The following STPG2 variants were observed in gnomAD, a reference collection of about 807,000 sequenced individuals.
STPG2 encodes sperm-tail PG-rich repeat-containing protein 2.
Under a neutral mutation model 54.2 loss-of-function variants are expected in STPG2, and 56 were observed. The observed-to-expected ratio is 1.03, with a 90% CI of 0.83 to 1.29. STPG2 has a LOEUF of 1.29. Ranked by LOEUF, STPG2 falls within the 50% of genes most tolerant of loss-of-function variation. STPG2 has a pLI of 0.00. For synonymous variants in STPG2, 200 were observed against 181.8 expected (o/e 1.10, Z -0.81); for missense variants, 596 against 544.9 (o/e 1.09, Z -0.93).
At chr4:97,978,553 A>G (rs1734569807) in intron 6 of STPG2, among the ~76,000 whole-genome samples, 1 of 152,126 alleles carries the variant, frequency 6.6e-6, no homozygotes, top group African/African-American at 2.4e-5. Flanking sequence ...AAAATAACTA[A>G]TGGGTACTAG....
At chr4:97,616,092 A>ATATATATATATATATATATATATATG (rs764342142) in intron 10 of STPG2, among the ~76,000 whole-genome samples, 3 of 63,282 alleles carry the variant, frequency 4.7e-5, no homozygotes, top group Non-Finnish European at 1.1e-4. Context: ...ATATATATAT[A>ATATATATATATATATATATATATATG]TATGTATGTA....
At chr4:98,066,589 T>TA (rs35983475) in intron 5 of STPG2, among the ~76,000 whole-genome samples, 11 of 151,002 alleles carry the variant, frequency 7.3e-5, no homozygotes, top group African/African-American at 1.5e-4. Flanking sequence ...ACTCCATCTT[T>TA]AAAAAAAAAT....
intron 5 of STPG2, among the ~76,000 whole-genome samples, chr4:98,002,786 C>T (rs1026681794): frequency 1.3e-5 from 2 of 151,914 alleles, no homozygotes; most frequent in African/African-American, 4.8e-5. Flanking sequence ...TTAATAACAG[C>T]GTTTTTTAAA....
At chr4:97,448,106 G>GC (rs1305519392) in intron 4 of STPG2, among the ~76,000 whole-genome samples, 1 of 152,170 alleles carries the variant, frequency 6.6e-6, no homozygotes, top group African/African-American at 2.4e-5. Flanking sequence ...GGGGCTTATA[G>GC]CCCCTTGGTT....
At chr4:97,488,620 A>T (rs182180967) in intron 4 of STPG2, among the ~76,000 whole-genome samples, 1 of 151,742 alleles carries the variant, frequency 6.6e-6, no homozygotes, top group East Asian at 1.9e-4. Context: ...GCAGTCTTTC[A>T]GAAACCCAGA....
chr4:97,533,452 A>C (rs889873596), intron 4 of STPG2, among the ~76,000 whole-genome samples: 1 of 152,084 alleles, frequency 6.6e-6, no homozygotes, highest in Non-Finnish European at 1.5e-5. Context: ...GTTTATATAT[A>C]ATAAAATACA....
chr4:97,962,808 C>T (rs749307975), intron 7 of STPG2, among the ~76,000 whole-genome samples: 2 of 152,108 alleles, frequency 1.3e-5, no homozygotes, highest in Non-Finnish European at 2.9e-5. Context: ...ACTCTGAGTC[C>T]AGAGATCATG....
chr4:97,459,641 C>G (rs1396399475), intron 4 of STPG2, among the ~76,000 whole-genome samples: 1 of 151,964 alleles, frequency 6.6e-6, no homozygotes, highest in African/African-American at 2.4e-5. Flanking sequence ...CAGGGTTTCA[C>G]CATGTTAGCC....
chr4:97,728,925 G>C (rs1724706136), intron 9 of STPG2, among the ~76,000 whole-genome samples: 2 of 151,902 alleles, frequency 1.3e-5, no homozygotes, highest in East Asian at 1.9e-4. Context: ...GAGAGAAAGA[G>C]AGAGAGAGAA....
At chr4:97,917,740 A>G (rs1265608427) in intron 8 of STPG2, among the ~76,000 whole-genome samples, 3 of 152,162 alleles carry the variant, frequency 2.0e-5, no homozygotes, top group African/African-American at 7.2e-5. Context: ...AGCACACTAA[A>G]ATAGGTGCAG....
At chr4:98,068,822 G>A (rs1737912876) in intron 5 of STPG2, among the ~76,000 whole-genome samples, 1 of 151,984 alleles carries the variant, frequency 6.6e-6, no homozygotes, top group Admixed American at 6.6e-5. Flanking sequence ...ATTGCTCCTA[G>A]GCTATAATCC....
intron 4 of STPG2, among the ~76,000 whole-genome samples, chr4:97,492,469 C>T (rs1730522662): frequency 1.3e-5 from 2 of 151,428 alleles, no homozygotes; most frequent in South Asian, 2.1e-4. Flanking sequence ...TGAAAACATG[C>T]AAGTTTAATT....
chr4:97,943,902 C>G lies in STPG2; in HGVS notation c.1039G>C (p.Asp347His). 6.4e-7 allele frequency: 1 copy of G among 1,561,642 alleles called. No individual in the cohort carries two copies. Among genetic ancestry groups the G allele is most frequent in the South Asian group, 1.2e-5 (1 of 83,168 alleles). ...GATTGTAGGAGTATTCTTACCATAT[C>G]TGGTACTTTCATAGTTCTTTTGGCT... is the stretch of plus-strand genomic sequence containing the variant. ...SRAKRTMKVPDMVIPAPGSYD... is the reference protein window; with the variant it reads ...SRAKRTMKVPHMVIPAPGSYD... Residue 347 changes from aspartate (D) to histidine (H), a missense_variant, in exon 8 of 11, where the codon GAT becomes CAT. By Grantham distance (81) the Asp-to-His change is moderately conservative (BLOSUM62 -1). Transcript: ENST00000295268.
intron 7 of STPG2, among the ~76,000 whole-genome samples, chr4:97,949,916 A>T (rs1276414821): frequency 6.6e-6 from 1 of 152,072 alleles, no homozygotes; most frequent in East Asian, 1.9e-4. Context: ...TGAATCTCAC[A>T]TGAGTTCTTT....
intron 9 of STPG2, among the ~76,000 whole-genome samples, chr4:97,720,855 C>A (rs980664883): frequency 2.6e-5 from 4 of 151,876 alleles, no homozygotes; most frequent in Non-Finnish European, 4.4e-5. Context: ...TTATAAACAA[C>A]AATAAAACAA....
intron 4 of STPG2, among the ~76,000 whole-genome samples, chr4:97,447,977 G>C (rs1490164782): frequency 6.6e-6 from 1 of 152,094 alleles, no homozygotes; most frequent in African/African-American, 2.4e-5. Flanking sequence ...ACTGCCCAAG[G>C]CTGTGGGAGC....
intron 9 of STPG2, among the ~76,000 whole-genome samples, chr4:97,714,501 A>C (rs967044264): frequency 5.9e-5 from 9 of 152,136 alleles, no homozygotes; most frequent in African/African-American, 1.9e-4. Flanking sequence ...ATTAAGATAT[A>C]GCTATCTAAA....
At chr4:97,970,157 G>T (rs1734272151) in intron 7 of STPG2, among the ~76,000 whole-genome samples, 1 of 152,156 alleles carries the variant, frequency 6.6e-6, no homozygotes, top group Non-Finnish European at 1.5e-5. Flanking sequence ...CGAAATAAAA[G>T]AGAACACAAA....
chr4:97,995,179 C>A lies in STPG2; in HGVS notation c.613-13861G>T, dbSNP rs981556801. 3.4e-5 allele frequency among the ~76,000 whole-genome samples: 5 copies of A among 147,484 alleles called. No individual in the cohort carries two copies. The East Asian group carries it at 6.0e-4, about 18-fold the overall frequency. On this transcript the variant is annotated intron_variant, in intron 5 of 10. Transcript: ENST00000295268. ...CCACCATTGCCCCCTCACCCCCCCA[C>A]CCCCTGCAATAGCACTGAGTTTATT...
Sources: allele counts gnomAD v4.1 joint callset (sites outside exome capture counted in the v4.1 genomes callset), GRCh38; gene constraint gnomAD v4.1.1; transcripts MANE v1.5; gene names NCBI Gene and HGNC (gene_info 2026-07-23, HGNC 2026-07-21).